The following CCDC15 variants were observed in gnomAD, a reference collection of about 807,000 sequenced individuals.
CCDC15 encodes the protein coiled-coil domain containing 15, also known as coiled-coil domain-containing protein 15.
A neutral mutation model predicts 114.5 loss-of-function variants in CCDC15; 105 were observed. That is an observed-to-expected ratio of 0.92 (90% confidence interval 0.78 to 1.08). CCDC15 has a LOEUF of 1.08. Among genes scored for constraint, CCDC15 ranks in the 50% least tolerant of loss-of-function variants. The probability of loss-of-function intolerance (pLI) is 0.00; values close to 1 mark genes in which losing one functional copy is unlikely to be tolerated. For synonymous variants in CCDC15, 334 were observed against 377.8 expected (o/e 0.88, Z 1.34); for missense variants, 1,105 against 1,093.6 (o/e 1.01, Z -0.15).
intron 5 of CCDC15, among the ~76,000 whole-genome samples, chr11:124,976,123 AT>A (rs940401999): frequency 6.6e-6 from 1 of 150,676 alleles, no homozygotes; most frequent in Non-Finnish European, 1.5e-5. Flanking sequence ...TAAATATGTT[AT>A]TTTTTTGCCA....
At chr11:125,019,891 A>G (rs1454645083) in intron 13 of CCDC15, among the ~76,000 whole-genome samples, 3 of 151,844 alleles carry the variant, frequency 2.0e-5, no homozygotes, top group Non-Finnish European at 4.4e-5. Context: ...GTACGTGTGA[A>G]ATTTTGTTAC....
chr11:125,038,498 G>T lies in CCDC15; in HGVS notation c.2479G>T (p.Glu827Ter). The T allele has an allele frequency of 6.3e-7, 1 of 1,585,050 alleles. No homozygotes were observed. The highest frequency in any genetic ancestry group is 8.6e-7 in the Non-Finnish European group (1 of 1,164,482). ...EQRILRMNFH[E>*]DPYSGEKLSE... ...GAGGATCCTAAGAATGAACTTTCAT[G>T]AAGATCCATATTCAGGAGAGAAGTT... The change falls in exon 14 of 16, where the codon GAA becomes TAA. Residue 827 changes from glutamate (E) to a stop codon, truncating the protein, a stop_gained. Coordinates refer to ENST00000344762, the MANE Select transcript of CCDC15 (RefSeq NM_025004.3). LOFTEE classifies it high-confidence loss of function.
chr11:124,987,136 T>C lies in CCDC15; in HGVS notation c.910T>C (p.Phe304Leu), dbSNP rs1222221442. The C allele has an allele frequency of 6.6e-7, 1 of 1,507,404 alleles. No individual in the cohort carries two copies. Among genetic ancestry groups the C allele is most frequent in the South Asian group, 1.4e-5 (1 of 71,028 alleles). 93.4% of individuals were successfully genotyped at this position (1,507,404 alleles called of 1,614,324 possible). Residue 304 changes from phenylalanine to leucine, a missense_variant, in exon 8 of 16, where the codon TTC (phenylalanine) becomes CTC (leucine). Physicochemically the swap from Phe to Leu is conservative, Grantham distance 22. Coordinates refer to ENST00000344762, the MANE Select transcript of CCDC15 (RefSeq NM_025004.3). ...TTATGTTCACTTTTAGAAAGTAAAA[T>C]TCAAAAATCCATTATTTGTTCTGAT... ...KPFSRVQKVK[F>L]KNPLFVLMEE...
chr11:125,030,390 C>T (rs1209468663), intron 13 of CCDC15, among the ~76,000 whole-genome samples: 1 of 152,172 alleles, frequency 6.6e-6, no homozygotes, highest in Non-Finnish European at 1.5e-5. Flanking sequence ...CAGTGAGTTC[C>T]ATGAGCAGGA....
At position 125,003,959 on chromosome 11, in the gene CCDC15, G is replaced by T; in HGVS notation, c.2307G>T (p.Glu769Asp). The change falls in exon 12 of 16, where the codon GAG becomes GAT. Residue 769 changes from glutamate to aspartate, a missense_variant and splice_region_variant. Glu to Asp is a conservative substitution (Grantham distance 45, BLOSUM62 2). Coordinates refer to ENST00000344762, the MANE Select transcript of CCDC15 (RefSeq NM_025004.3). ...SDVDKEEDKKERQKQYLRHRR... is the reference protein window; with the variant it reads ...SDVDKEEDKKDRQKQYLRHRR... ...TGGATAAAGAAGAAGATAAGAAAGA[G>T]GTATGTAATGATACTGCTTTTGGAT... 1 of 1,467,492 alleles carries T rather than the reference G, an allele frequency of 6.8e-7. No individual in the cohort carries two copies. The highest frequency in any genetic ancestry group is 2.6e-5 in the Admixed American group (1 of 38,918). The allele number at this position is 1,467,492 out of a possible 1,614,324, so 90.9% of individuals were successfully genotyped here.
At position 124,974,433 on chromosome 11, in the gene CCDC15, C is replaced by T. The variant is rs553315037; in HGVS notation, c.517-663C>T. On this transcript the variant is annotated intron_variant, in intron 4 of 15. Transcript: ENST00000344762. The stretch of plus-strand genomic sequence containing the variant: ...AATTTCTGGAGATAAGGAATGAACA[C>T]GAAATCAACATTTAATATTAGTAGT... 1.1e-4 allele frequency among the ~76,000 whole-genome samples: 16 copies of T among 152,182 alleles called. No individual in the cohort carries two copies. The East Asian group carries it at 2.7e-3, about 26-fold the overall frequency.
intron 4 of CCDC15, among the ~76,000 whole-genome samples, chr11:124,962,749 T>G (rs900316324): frequency 1.8e-4 from 27 of 152,296 alleles, no homozygotes; most frequent in African/African-American, 5.1e-4. Context: ...GCTGCATCCA[T>G]TAACTTGTCA....
At chr11:124,966,582 T>G (rs1370685276) in intron 4 of CCDC15, among the ~76,000 whole-genome samples, 1 of 152,240 alleles carries the variant, frequency 6.6e-6, no homozygotes, top group Non-Finnish European at 1.5e-5. Flanking sequence ...CTGATGGTCT[T>G]GACTCTTTAT....
At chr11:124,978,374 A>G (rs1461473866) in intron 6 of CCDC15, among the ~76,000 whole-genome samples, 1 of 152,216 alleles carries the variant, frequency 6.6e-6, no homozygotes, top group Non-Finnish European at 1.5e-5. Context: ...CTGGGTATAT[A>G]CCAGATAATG....
chr11:124,993,382 G>C (rs1365102258), intron 11 of CCDC15, 139 bp downstream of exon 11: 1 of 625,594 alleles, frequency 1.6e-6, no homozygotes, highest in East Asian at 2.7e-5. Flanking sequence ...GGAATTTAGT[G>C]TTAAGGTTAG....
In CCDC15 at chr11:125,039,067, G is replaced by A; in HGVS notation, c.2732G>A (p.Arg911Lys). Residue 911 changes from arginine (R) to lysine (K), a missense_variant and splice_region_variant, in exon 15 of 16, where the codon AGA becomes AAA. Arg to Lys is a conservative substitution (Grantham distance 26, BLOSUM62 2). Coordinates refer to ENST00000344762, the MANE Select transcript of CCDC15 (RefSeq NM_025004.3). ...AACTGTATTTTCTATAAAAACCACAGAGGTAAGTTTCTTGAAGGAATAGTC... is the reference window on the plus strand; with the variant it reads ...AACTGTATTTTCTATAAAAACCACAAAGGTAAGTTTCTTGAAGGAATAGTC... ...ANNCIFYKNHRAYTRALHSFI... is the reference protein window; with the variant it reads ...ANNCIFYKNHKAYTRALHSFI... The A allele has an allele frequency of 1.3e-6, 2 of 1,587,868 alleles. No individual in the cohort carries two copies. Among genetic ancestry groups the A allele is most frequent in the Non-Finnish European group, 1.7e-6 (2 of 1,163,496 alleles).
chr11:124,966,934 A>C (rs1947793998), intron 4 of CCDC15, among the ~76,000 whole-genome samples: 2 of 152,140 alleles, frequency 1.3e-5, no homozygotes, highest in African/African-American at 4.8e-5. Flanking sequence ...CCGGGTTGAA[A>C]ATTCTTTTCT....
At chr11:124,962,896 G>T (rs1016500636) in intron 4 of CCDC15, among the ~76,000 whole-genome samples, 2 of 152,144 alleles carry the variant, frequency 1.3e-5, no homozygotes, top group Admixed American at 6.5e-5. Flanking sequence ...GAGAACATGC[G>T]GTGTTTGGTT....
intron 6 of CCDC15, among the ~76,000 whole-genome samples, chr11:124,985,441 C>T (rs1948141107): frequency 6.6e-6 from 1 of 152,160 alleles, no homozygotes; most frequent in South Asian, 2.1e-4. Flanking sequence ...CAGTTTTCCA[C>T]CAGCAATATG....
intron 2 of CCDC15, 28 bp from the exon 3 acceptor site, chr11:124,959,087 G>T: frequency 6.7e-7 from 1 of 1,499,332 alleles, no homozygotes; most frequent in Non-Finnish European, 8.9e-7. Flanking sequence ...TAACATTTAA[G>T]TTCATTTTCT....
intron 15 of CCDC15, among the ~76,000 whole-genome samples, chr11:125,039,924 C>T (rs965590674): frequency 1.3e-5 from 2 of 152,204 alleles, no homozygotes; most frequent in African/African-American, 2.4e-5. Context: ...CTTGTTATTT[C>T]TTCATAACTC....
chr11:124,961,116 C>T (rs1353141603), intron 4 of CCDC15, among the ~76,000 whole-genome samples: 4 of 152,098 alleles, frequency 2.6e-5, no homozygotes, highest in Non-Finnish European at 5.9e-5. Context: ...TTTATTGAGC[C>T]AGGCACTGCA....
chr11:125,037,020 C>G (rs1418407365), intron 13 of CCDC15, among the ~76,000 whole-genome samples: 1 of 152,076 alleles, frequency 6.6e-6, no homozygotes, highest in Non-Finnish European at 1.5e-5. Context: ...CCTGAGTAGT[C>G]TTGATGCTTG....
chr11:124,968,836 A>G (rs948157369), intron 4 of CCDC15, among the ~76,000 whole-genome samples: 2 of 152,084 alleles, frequency 1.3e-5, no homozygotes, highest in South Asian at 2.1e-4. Flanking sequence ...TGGCCATCTA[A>G]TTCCTGCCAC....
Sources: gnomAD v4.1 joint callset for allele counts (sites outside exome capture counted in the v4.1 genomes callset) on GRCh38, gnomAD v4.1.1 for gene constraint, MANE v1.5 for transcripts, NCBI Gene and HGNC (gene_info 2026-07-23, HGNC 2026-07-21) for gene names.